The following SLC9A1 variants were observed in gnomAD, a reference collection of about 807,000 sequenced individuals.
SLC9A1 encodes sodium/hydrogen exchanger 1.
A neutral mutation model predicts 67.9 loss-of-function variants in SLC9A1; 22 were observed. The observed-to-expected ratio is 0.32, with a 90% CI of 0.23 to 0.46. The LOEUF is 0.46. Among genes scored for constraint, SLC9A1 ranks in the 20% least tolerant of loss-of-function variants. The probability of loss-of-function intolerance (pLI) is 1.00; values close to 1 mark genes in which losing one functional copy is unlikely to be tolerated. For synonymous variants in SLC9A1, 421 were observed against 471.8 expected (o/e 0.89, Z 1.40); for missense variants, 686 against 1,094.8 (o/e 0.63, Z 5.27).
chr1:27,145,185 C>T (rs2124209537), intron 1 of SLC9A1, among the ~76,000 whole-genome samples: 1 of 152,266 alleles, frequency 6.6e-6, no homozygotes, highest in Middle Eastern at 3.4e-3. Flanking sequence ...CCTTTCCATC[C>T]TTCAAGACTC....
chr1:27,117,288 TCCAGCTCCAG>T (rs932261588), intron 1 of SLC9A1, among the ~76,000 whole-genome samples: 2 of 152,146 alleles, frequency 1.3e-5, no homozygotes, highest in Non-Finnish European at 2.9e-5. Flanking sequence ...AGGCCGGAAG[TCCAGCTCCAG>T]CCAGCTGCAT....
In SLC9A1 at chr1:27,106,316, T is replaced by C. The variant is rs1234827063; in HGVS notation, c.1283-229A>G. Among the ~76,000 whole-genome samples the C allele has an allele frequency of 6.6e-6, 1 of 152,058 alleles. No individual in the cohort carries two copies. Reference sequence around the variant, plus strand: ...ACCTGGATGTGCTTTAGAGACATCATGGAGGCCTCCAGTGGCTGGAGGGCT... The same window carrying C: ...ACCTGGATGTGCTTTAGAGACATCACGGAGGCCTCCAGTGGCTGGAGGGCT... On this transcript the variant is annotated intron_variant, in intron 4 of 11. Coordinates refer to ENST00000263980, the MANE Select transcript of SLC9A1 (RefSeq NM_003047.5). The surrounding 1 kb of genome is among the most constrained non-coding windows in gnomAD (Gnocchi z 4.3).
intron 1 of SLC9A1, among the ~76,000 whole-genome samples, chr1:27,115,823 T>G (rs1001262865): frequency 6.6e-6 from 1 of 151,996 alleles, no homozygotes; most frequent in Non-Finnish European, 1.5e-5. Context: ...CCATAACTGC[T>G]TATCATTATA....
chr1:27,104,674 C>T (rs2083172354), intron 5 of SLC9A1, among the ~76,000 whole-genome samples: 1 of 152,182 alleles, frequency 6.6e-6, no homozygotes, highest in African/African-American at 2.4e-5. Flanking sequence ...TAGGCGTGAG[C>T]CACTGCACCA....
Position 27,101,603 on chromosome 1 carries a change from A to T in SLC9A1, c.2037+122T>A. On this transcript the variant is annotated intron_variant, in intron 10 of 11. Coordinates refer to ENST00000263980, the MANE Select transcript of SLC9A1 (RefSeq NM_003047.5). This position sits in a 1 kb window ranked among gnomAD's most constrained non-coding sequence, Gnocchi z 4.9. The stretch of plus-strand genomic sequence containing the variant: ...AACTCATGGCTCTCCATGCCCTTAC[A>T]CTGCTAAAAGCCCCTCGAAAGCCAA... The T allele has an allele frequency of 1.4e-6, 1 of 724,314 alleles. No homozygotes were observed. The allele number at this position is 724,314 out of a possible 1,614,324, so 44.9% of individuals were successfully genotyped here.
At chr1:27,125,267 A>C (rs1413061628) in intron 1 of SLC9A1, among the ~76,000 whole-genome samples, 2 of 66,772 alleles carry the variant, frequency 3.0e-5, no homozygotes, top group African/African-American at 1.1e-4. Flanking sequence ...TTTTTTTGAG[A>C]AACAGTCTTG....
Position 27,137,178 on chromosome 1 carries a change from T to C in SLC9A1, c.352+16805A>G, listed in dbSNP as rs2083425520. The stretch of plus-strand genomic sequence containing the variant: ...GGGTGGGAACCACCAACCACGCAAC[T>C]GTGTCTGCTGCATGGTAGGTGCTCA... On this transcript the variant is annotated intron_variant, in intron 1 of 11. Transcript: ENST00000263980. This position sits in a 1 kb window ranked among gnomAD's most constrained non-coding sequence, Gnocchi z 4.6. 6.6e-6 allele frequency among the ~76,000 whole-genome samples: 1 copy of C among 152,262 alleles called. No individual in the cohort carries two copies. The highest frequency in any genetic ancestry group is 1.5e-5 in the Non-Finnish European group (1 of 68,044).
chr1:27,102,313 G>A (rs1418567350), intron 8 of SLC9A1, 72 bp downstream of exon 8: 2 of 1,510,226 alleles, frequency 1.3e-6, no homozygotes. Flanking sequence ...CGCCCCCCAG[G>A]TGGCCACCTC....
intron 5 of SLC9A1, 144 bp downstream of exon 5, chr1:27,105,741 A>T: frequency 1.3e-6 from 1 of 741,774 alleles, no homozygotes; most frequent in Non-Finnish European, 2.5e-6. Context: ...AGAAAGGGGG[A>T]GTGGCTCGCC....
In SLC9A1 at chr1:27,137,271, G is replaced by A. The variant is rs998809476; in HGVS notation, c.352+16712C>T. On this transcript the variant is annotated intron_variant, in intron 1 of 11. Transcript: ENST00000263980. The surrounding 1 kb of genome is among the most constrained non-coding windows in gnomAD (Gnocchi z 4.6). ...CACCTCTGCGGAGGGAACGATGTGG[G>A]AAGAAGGACCACTTATAGCATCACA... 1.3e-5 allele frequency among the ~76,000 whole-genome samples: 2 copies of A among 152,234 alleles called. No homozygotes were observed. Among genetic ancestry groups the A allele is most frequent in the Admixed American group, 6.5e-5 (1 of 15,282 alleles).
intron 3 of SLC9A1, among the ~76,000 whole-genome samples, chr1:27,108,280 C>A (rs1196270312): frequency 6.6e-6 from 1 of 150,796 alleles, no homozygotes; most frequent in African/African-American, 2.4e-5. Flanking sequence ...CTTGGCCAGG[C>A]TGGTCTTGAA....
intron 5 of SLC9A1, among the ~76,000 whole-genome samples, chr1:27,104,665 A>T (rs2083172253): frequency 6.6e-6 from 1 of 152,200 alleles, no homozygotes; most frequent in South Asian, 2.1e-4. Flanking sequence ...CTGGGATCAT[A>T]GGCGTGAGCC....
At chr1:27,135,516 T>C (rs1233659020) in intron 1 of SLC9A1, among the ~76,000 whole-genome samples, 1 of 123,890 alleles carries the variant, frequency 8.1e-6, no homozygotes, top group Non-Finnish European at 1.6e-5. Flanking sequence ...TATTTCTTCC[T>C]TTTTTCTGGA....
At chr1:27,128,129 C>T (rs539071982) in intron 1 of SLC9A1, among the ~76,000 whole-genome samples, 3 of 152,344 alleles carry the variant, frequency 2.0e-5, no homozygotes, top group African/African-American at 7.2e-5. Flanking sequence ...CCATAGCAAG[C>T]TTGCACGAGG....
chr1:27,153,279 T>G (rs2083542865), intron 1 of SLC9A1, among the ~76,000 whole-genome samples: 2 of 151,942 alleles, frequency 1.3e-5, no homozygotes, highest in East Asian at 3.9e-4. Context: ...TCCTCTACTC[T>G]CCCTCCACTT....
Position 27,101,681 on chromosome 1 carries a change from C to G in SLC9A1, c.2037+44G>C, listed in dbSNP as rs367811591. 2.2e-6 allele frequency: 3 copies of G among 1,388,484 alleles called. No individual in the cohort carries two copies. In the South Asian group the frequency reaches 3.6e-5, roughly 16 times the overall value. 86.0% of individuals were successfully genotyped at this position (1,388,484 alleles called of 1,614,324 possible). On this transcript the variant is annotated intron_variant, in intron 10 of 11. Coordinates refer to ENST00000263980, the MANE Select transcript of SLC9A1 (RefSeq NM_003047.5). The surrounding 1 kb of genome is among the most constrained non-coding windows in gnomAD (Gnocchi z 4.9). Reference sequence around the variant, plus strand: ...CTTAGAGGCTGTGGCGGAGCTTGGGCGAGTGGGGTGGGATACAGATTCCCA... The same window carrying G: ...CTTAGAGGCTGTGGCGGAGCTTGGGGGAGTGGGGTGGGATACAGATTCCCA...
Position 27,101,587 on chromosome 1 carries a change from C to T in SLC9A1, c.2037+138G>A, listed in dbSNP as rs900591419. 1 of 677,630 alleles carries T rather than the reference C, an allele frequency of 1.5e-6. No individual in the cohort carries two copies. Among genetic ancestry groups the T allele is most frequent in the Non-Finnish European group, 2.6e-6 (1 of 384,382 alleles). The allele number at this position is 677,630 out of a possible 1,614,324, so 42.0% of individuals were successfully genotyped here. ...CCAATCCCTTGCTTAGAACTCATGG[C>T]TCTCCATGCCCTTACACTGCTAAAA... On this transcript the variant is annotated intron_variant, in intron 10 of 11. Coordinates refer to ENST00000263980, the MANE Select transcript of SLC9A1 (RefSeq NM_003047.5). This position sits in a 1 kb window ranked among gnomAD's most constrained non-coding sequence, Gnocchi z 4.9.
At chr1:27,132,457 C>CA (rs2083392577) in intron 1 of SLC9A1, among the ~76,000 whole-genome samples, 1 of 152,106 alleles carries the variant, frequency 6.6e-6, no homozygotes. Context: ...GATTCAAGGT[C>CA]ACCCGGTTCC....
At chr1:27,110,348 C>T (rs761531404) in intron 2 of SLC9A1, among the ~76,000 whole-genome samples, 1 of 152,142 alleles carries the variant, frequency 6.6e-6, no homozygotes, top group Non-Finnish European at 1.5e-5. Flanking sequence ...TTCTTAACCT[C>T]TGGAGCTTTC....
Sources: allele counts gnomAD v4.1 joint callset (sites outside exome capture counted in the v4.1 genomes callset), GRCh38; gene constraint gnomAD v4.1.1; non-coding constraint Gnocchi (gnomAD v3.1); transcripts MANE v1.5; gene names NCBI Gene and HGNC (gene_info 2026-07-23, HGNC 2026-07-21).